ROR2: variants seen among roughly 807,000 people sequenced by gnomAD.
The protein encoded by ROR2 is ROR family WNT receptor 2.
Under a neutral mutation model 74.9 loss-of-function variants are expected in ROR2, and 33 were observed. That is an observed-to-expected ratio of 0.44 (90% CI 0.33 to 0.59). The LOEUF (loss-of-function observed/expected upper bound fraction) is 0.59, where lower values mean the gene tolerates loss of function less well. Among genes scored for constraint, ROR2 ranks in the 20% least tolerant of loss-of-function variants. The probability of loss-of-function intolerance (pLI) is 0.02; values close to 1 mark genes in which losing one functional copy is unlikely to be tolerated. For missense variants in ROR2, 1,216 were observed against 1,313.8 expected, an observed-to-expected ratio of 0.93 and a Z score of 1.15; for synonymous variants, 586 against 558.7, an observed-to-expected ratio of 1.05 and a Z score of -0.69.
Position 91,723,652 on chromosome 9 carries a change from C to CT in ROR2, c.*9dup. 6.2e-7 allele frequency: 1 copy of CT among 1,613,136 alleles called. No homozygotes were observed. On this transcript the variant is annotated 3_prime_UTR_variant, in exon 9 of 9. Transcript: ENST00000375708. Reference sequence around the variant, plus strand: ...GGCTTCTATCCCCGAACCCCGGGCCCTGGTGCCACTCAAGCTTCCAGCTGG... The same window carrying CT: ...GGCTTCTATCCCCGAACCCCGGGCCCTTGGTGCCACTCAAGCTTCCAGCTGG...
chr9:91,879,651 A>T (rs1329437280), intron 1 of ROR2, among the ~76,000 whole-genome samples: 1 of 152,118 alleles, frequency 6.6e-6, no homozygotes, highest in Non-Finnish European at 1.5e-5. Flanking sequence ...TGGGCCTTGG[A>T]AGAGCCCACT....
At chr9:91,931,986 T>C (rs1831562419) in intron 1 of ROR2, among the ~76,000 whole-genome samples, 1 of 152,156 alleles carries the variant, frequency 6.6e-6, no homozygotes, top group East Asian at 1.9e-4. Context: ...TAGAAAGCTA[T>C]GGTAATTAAA....
At chr9:91,778,239 G>C (rs1275662592) in intron 1 of ROR2, among the ~76,000 whole-genome samples, 1 of 152,204 alleles carries the variant, frequency 6.6e-6, no homozygotes, top group Admixed American at 6.5e-5. Context: ...TGTTGCAATG[G>C]GTACACATAC....
chr9:91,867,656 C>CTGTGTG (rs57475950), intron 1 of ROR2, among the ~76,000 whole-genome samples: 6,949 of 131,268 alleles, frequency 0.053, 229 homozygotes, highest in Non-Finnish European at 0.066. Flanking sequence ...CACCCATGAG[C>CTGTGTG]TGTGTGTGTG....
chr9:91,724,386 T>C lies in ROR2; in HGVS notation c.2108A>G (p.Glu703Gly). ...YCGYSNQDVVEMIRNRQVLPC... is the reference protein window; with the variant it reads ...YCGYSNQDVVGMIRNRQVLPC... ...CAGCACCTGCCGGTTCCGGATCATC[T>C]CCACCACATCCTGGTTGGAGTACCC... The change falls in exon 9 of 9, where the codon GAG (glutamate) becomes GGG (glycine). Residue 703 changes from glutamate to glycine, a missense_variant. Transcript: ENST00000375708. 6.2e-7 allele frequency: 1 copy of C among 1,614,014 alleles called. No individual in the cohort carries two copies. Among genetic ancestry groups the C allele is most frequent in the Non-Finnish European group, 8.5e-7 (1 of 1,180,014 alleles).
rs570725504 is a variant in ROR2 at position 91,741,446 on chromosome 9, C to T, written c.495-3928G>A. Among the ~76,000 whole-genome samples the T allele has an allele frequency of 5.3e-5, 8 of 151,758 alleles. No homozygotes were observed. In the East Asian group the frequency reaches 1.5e-3, roughly 29 times the overall value. ...GACTGTGATGGCAGGTGCTCCTCCA[C>T]CAAGACTGGCAAGATGGTGGGGATC... On this transcript the variant is annotated intron_variant, in intron 4 of 8. Coordinates refer to ENST00000375708, the MANE Select transcript of ROR2 (RefSeq NM_004560.4).
At chr9:91,732,700 G>A (rs902355849) in intron 6 of ROR2, among the ~76,000 whole-genome samples, 2 of 152,232 alleles carry the variant, frequency 1.3e-5, no homozygotes, top group African/African-American at 4.8e-5. Context: ...GGAGTTGAGA[G>A]TCTGCATTTT....
At position 91,878,750 on chromosome 9, in the gene ROR2, AAGAAACTCATTAC is replaced by A. The variant is rs1830022205; in HGVS notation, c.97+71104_97+71116del. Among the ~76,000 whole-genome samples, 3 of 152,208 alleles carry A rather than the reference AAGAAACTCATTAC, an allele frequency of 2.0e-5. No homozygotes were observed. In the South Asian group the frequency reaches 6.2e-4, roughly 31 times the overall value. ...AACTACACTTCCAGAATCCCCCAACAAGAAACTCATTACAGAAAAGCTGCACTTTAAGAAACAA... is the reference window on the plus strand; with the variant it reads ...AACTACACTTCCAGAATCCCCCAACAAGAAAAGCTGCACTTTAAGAAACAA... On this transcript the variant is annotated intron_variant, in intron 1 of 8. Coordinates refer to ENST00000375708, the MANE Select transcript of ROR2 (RefSeq NM_004560.4).
rs1200771902 is a variant in ROR2, at chr9:91,940,620, A to G, written c.97+9247T>C. Among the ~76,000 whole-genome samples, 3 of 148,274 alleles carry G rather than the reference A, an allele frequency of 2.0e-5. No homozygotes were observed. In the East Asian group the frequency reaches 5.9e-4, roughly 29 times the overall value. ...TTTTTTTTTTTTTTTCTTGAGACAG[A>G]GTCTTGCTCTGTCACCCAGGCTAGA... On this transcript the variant is annotated intron_variant, in intron 1 of 8. Coordinates refer to ENST00000375708, the MANE Select transcript of ROR2 (RefSeq NM_004560.4).
At chr9:91,837,265 G>C (rs906392973) in intron 1 of ROR2, among the ~76,000 whole-genome samples, 4 of 152,116 alleles carry the variant, frequency 2.6e-5, no homozygotes, top group African/African-American at 9.7e-5. Context: ...GTACAGACGG[G>C]GTTTCACCAT....
chr9:91,943,556 T>C (rs1831934311), intron 1 of ROR2, among the ~76,000 whole-genome samples: 1 of 152,078 alleles, frequency 6.6e-6, no homozygotes, highest in Non-Finnish European at 1.5e-5. Context: ...CTGTCTAATC[T>C]CACAATTCAC....
At position 91,871,917 on chromosome 9, in the gene ROR2, G is replaced by A. The variant is rs147837729; in HGVS notation, c.97+77950C>T. On this transcript the variant is annotated intron_variant, in intron 1 of 8. Coordinates refer to ENST00000375708, the MANE Select transcript of ROR2 (RefSeq NM_004560.4). ...CATGTCTGGCCCAGTTGAGCCTTCA[G>A]ATGACTGCAGCCCCCACCAGCATCT... Among the ~76,000 whole-genome samples, 505 of 152,278 alleles carry A rather than the reference G, an allele frequency of 3.3e-3. 3 individuals carry two copies. The highest frequency in any genetic ancestry group is 0.017 in the Middle Eastern group (5 of 294).
In ROR2 at chr9:91,774,542, C is replaced by A. The variant is rs117121104; in HGVS notation, c.175+1199G>T. ...GAAAACACCGGGATTCGGTCTAGGT[C>A]CTCCTGCTCCCCAAACAGAAAGCCA... On this transcript the variant is annotated intron_variant, in intron 2 of 8. Coordinates refer to ENST00000375708, the MANE Select transcript of ROR2 (RefSeq NM_004560.4). Among the ~76,000 whole-genome samples, 29 of 152,218 alleles carry A rather than the reference C, an allele frequency of 1.9e-4. No homozygotes were observed. The East Asian group carries it at 5.6e-3, about 29-fold the overall frequency.
chr9:91,904,255 T>C (rs1307848472), intron 1 of ROR2, among the ~76,000 whole-genome samples: 1 of 152,120 alleles, frequency 6.6e-6, no homozygotes, highest in Non-Finnish European at 1.5e-5. Context: ...CCAGGGATCA[T>C]GGAAGGATCC....
intron 1 of ROR2, among the ~76,000 whole-genome samples, chr9:91,892,866 A>G (rs1446310210): frequency 1.3e-5 from 2 of 152,154 alleles, no homozygotes; most frequent in East Asian, 3.9e-4. Context: ...CTGGGAATAC[A>G]GGCGTGAGCC....
chr9:91,915,085 G>A (rs114998913), intron 1 of ROR2, among the ~76,000 whole-genome samples: 2,475 of 152,184 alleles, frequency 0.016, 64 homozygotes, highest in African/African-American at 0.056. Context: ...GGGCGGCTCC[G>A]TACCTCACCC....
intron 1 of ROR2, among the ~76,000 whole-genome samples, chr9:91,828,975 C>A (rs1828373277): frequency 6.6e-6 from 1 of 152,174 alleles, no homozygotes; most frequent in South Asian, 2.1e-4. Flanking sequence ...TTCTTAAAAG[C>A]CTTCCAAGTG....
chr9:91,844,851 C>T (rs1440837762), intron 1 of ROR2, among the ~76,000 whole-genome samples: 2 of 152,188 alleles, frequency 1.3e-5, no homozygotes, highest in Admixed American at 6.5e-5. Flanking sequence ...GCCCCAGGTC[C>T]TTGCATGCTC....
chr9:91,726,823 C>A, intron 7 of ROR2, 80 bp from the exon 8 acceptor site: 2 of 1,392,712 alleles, frequency 1.4e-6, no homozygotes, highest in Admixed American at 3.6e-5. Flanking sequence ...CACTCTCCAC[C>A]TCCAGCCAAA....
Sources: allele counts gnomAD v4.1 joint callset (sites outside exome capture counted in the v4.1 genomes callset), GRCh38; gene constraint gnomAD v4.1.1; transcripts MANE v1.5; gene names NCBI Gene and HGNC (gene_info 2026-07-23, HGNC 2026-07-21).